Variants in ANK3 observed in about 807,000 individuals in gnomAD.
ANK3 encodes ankyrin-3.
Under a neutral mutation model 370.9 loss-of-function variants are expected in ANK3, and 57 were observed. The ratio of observed to expected loss-of-function variants is 0.15; its 90% CI spans 0.12 to 0.19. ANK3 has a LOEUF of 0.19. Among genes scored for constraint, ANK3 ranks in the 10% least tolerant of loss-of-function variants. The pLI is 1.00. For synonymous variants in ANK3, 1,929 were observed against 1,946.3 expected, an observed-to-expected ratio of 0.99 and a Z score of 0.23; for missense variants, 4,439 against 5,302.1, an observed-to-expected ratio of 0.84 and a Z score of 5.06.
chr10:60,639,480 ATATTT>A (rs2078600089), intron 1 of ANK3, among the ~76,000 whole-genome samples: 4 of 151,494 alleles, frequency 2.6e-5, no homozygotes, highest in Admixed American at 2.6e-4. Context: ...ATATATATTT[ATATTT>A]TAAGTTACTT....
At chr10:60,312,620 T>A (rs1464115630) in intron 1 of ANK3, among the ~76,000 whole-genome samples, 3 of 152,206 alleles carry the variant, frequency 2.0e-5, no homozygotes, top group Non-Finnish European at 4.4e-5. Context: ...TTCCTGATAA[T>A]GAACCCATAC....
At chr10:60,637,381 G>T (rs981335563) in intron 1 of ANK3, among the ~76,000 whole-genome samples, 1 of 152,152 alleles carries the variant, frequency 6.6e-6, no homozygotes, top group Non-Finnish European at 1.5e-5. Flanking sequence ...ACTTAAAGAA[G>T]AAAATAGACA....
intron 2 of ANK3, among the ~76,000 whole-genome samples, chr10:60,444,444 G>GTGTGTGTGTGTA (rs386361850): frequency 6.7e-6 from 1 of 148,786 alleles, no homozygotes; most frequent in African/African-American, 2.5e-5. Context: ...GTGTGTGTGT[G>GTGTGTGTGTGTA]TATATATATA....
chr10:60,051,065 T>A (rs868088389), intron 42 of ANK3, among the ~76,000 whole-genome samples: 1 of 152,194 alleles, frequency 6.6e-6, no homozygotes, highest in Non-Finnish European at 1.5e-5. Flanking sequence ...GGAAGCCTTT[T>A]AATTCTTTCA....
intron 42 of ANK3, chr10:60,043,803 C>T (rs918663284): frequency 1.8e-5 from 18 of 985,224 alleles, no homozygotes; most frequent in Non-Finnish European, 2.0e-5. Flanking sequence ...AAGGTTTTAT[C>T]TTCTTTCTCC....
chr10:60,149,393 A>G (rs1401378387), intron 23 of ANK3, among the ~76,000 whole-genome samples: 2 of 152,178 alleles, frequency 1.3e-5, no homozygotes, highest in Non-Finnish European at 1.5e-5. Flanking sequence ...AGCAGGTCAG[A>G]CTTTTCAGGT....
intron 43 of ANK3, among the ~76,000 whole-genome samples, chr10:60,032,409 T>C (rs1019193002): frequency 9.2e-5 from 14 of 151,954 alleles, no homozygotes; most frequent in African/African-American, 2.7e-4. Context: ...AGTTTCACCA[T>C]GTTGGCCAGG....
At chr10:60,524,460 C>T (rs2076422053) in intron 2 of ANK3, among the ~76,000 whole-genome samples, 1 of 152,052 alleles carries the variant, frequency 6.6e-6, no homozygotes, top group Non-Finnish European at 1.5e-5. Context: ...CTTTCCCATG[C>T]TCTTCTAGTG....
At chr10:60,079,242 T>C (rs1232434430) in intron 36 of ANK3, among the ~76,000 whole-genome samples, 1 of 140,338 alleles carries the variant, frequency 7.1e-6, no homozygotes, top group Non-Finnish European at 1.5e-5. Context: ...TTCTGCTCTG[T>C]AGCATAATAT....
chr10:60,613,240 G>A (rs2078224537), intron 2 of ANK3, among the ~76,000 whole-genome samples: 1 of 151,908 alleles, frequency 6.6e-6, no homozygotes, highest in African/African-American at 2.4e-5. Context: ...ACAGAATCCT[G>A]GAAATATAGT....
intron 36 of ANK3, among the ~76,000 whole-genome samples, chr10:60,079,225 A>ACACACACACACCC: frequency 7.0e-6 from 1 of 142,758 alleles, no homozygotes; most frequent in East Asian, 2.0e-4. Flanking sequence ...ACACACACAC[A>ACACACACACACCC]CCCCTCTTCT....
intron 1 of ANK3, among the ~76,000 whole-genome samples, chr10:60,371,841 C>T (rs1432394130): frequency 6.6e-6 from 1 of 152,026 alleles, no homozygotes; most frequent in Non-Finnish European, 1.5e-5. Flanking sequence ...TTAGTGAAAA[C>T]TTCTCCGATG....
At chr10:60,433,033 G>T (rs1395551942) in intron 2 of ANK3, among the ~76,000 whole-genome samples, 2 of 152,160 alleles carry the variant, frequency 1.3e-5, no homozygotes, top group Admixed American at 1.3e-4. Flanking sequence ...TGATGACAGA[G>T]ACTGCCCCCA....
At chr10:60,607,298 G>A (rs184241987) in intron 2 of ANK3, among the ~76,000 whole-genome samples, 1 of 152,140 alleles carries the variant, frequency 6.6e-6, no homozygotes, top group Non-Finnish European at 1.5e-5. Context: ...GAGGTAAAGT[G>A]TCTAGCCCAG....
chr10:60,200,237 A>C lies in ANK3; in HGVS notation c.1393-10T>G. The stretch of plus-strand genomic sequence containing the variant: ...GTGCTGTTTCTCCTCTCTGGGGAAC[A>C]TGAGCCAAAGTAAATTAGCTGCAGC... On this transcript the variant is annotated splice_polypyrimidine_tract_variant and intron_variant, in intron 12 of 43. Coordinates refer to ENST00000280772, the MANE Select transcript of ANK3 (RefSeq NM_020987.5). 1 of 1,610,806 alleles carries C rather than the reference A, an allele frequency of 6.2e-7. No individual in the cohort carries two copies. The highest frequency in any genetic ancestry group is 8.5e-7 in the Non-Finnish European group (1 of 1,176,972).
intron 1 of ANK3, among the ~76,000 whole-genome samples, chr10:60,652,075 G>A (rs1190744905): frequency 1.3e-5 from 2 of 152,114 alleles, no homozygotes; most frequent in Non-Finnish European, 2.9e-5. Flanking sequence ...TATACTAATA[G>A]TCTGGGGACA....
chr10:60,627,052 C>A (rs10761529), intron 1 of ANK3, among the ~76,000 whole-genome samples: 1 of 151,932 alleles, frequency 6.6e-6, no homozygotes, highest in East Asian at 1.9e-4. Context: ...AGAGAAGCAA[C>A]GGACTGAAGA....
chr10:60,130,661 A>G (rs745963442), intron 25 of ANK3, among the ~76,000 whole-genome samples: 2 of 152,230 alleles, frequency 1.3e-5, no homozygotes, highest in South Asian at 2.1e-4. Context: ...TTAATCCTAA[A>G]GTGTTTAAAT....
At position 60,334,129 on chromosome 10, in the gene ANK3, C is replaced by T. The variant is rs137909578; in HGVS notation, c.115-54490G>A. 4.5e-3 allele frequency among the ~76,000 whole-genome samples: 678 copies of T among 152,276 alleles called. 2 individuals are homozygous for T. The highest frequency in any genetic ancestry group is 0.016 in the African/African-American group (659 of 41,574). The stretch of plus-strand genomic sequence containing the variant: ...AATCTCTATTAGTCTGTTACATAGA[C>T]TCTTCCACAATGTCTGCAGTCTTGA... On this transcript the variant is annotated intron_variant, in intron 1 of 43. Coordinates refer to ENST00000280772, the MANE Select transcript of ANK3 (RefSeq NM_020987.5).
Sources: allele counts gnomAD v4.1 joint callset (sites outside exome capture counted in the v4.1 genomes callset), GRCh38; gene constraint gnomAD v4.1.1; transcripts MANE v1.5; gene names NCBI Gene and HGNC (gene_info 2026-07-23, HGNC 2026-07-21).